B4GALT1: variants seen among roughly 807,000 people sequenced by gnomAD.
B4GALT1 encodes the protein beta-1,4-galactosyltransferase 1, also known as N-acetyllactosamine synthase.
In B4GALT1, 16 loss-of-function variants were observed where a neutral mutation model predicts 34.9. That is an observed-to-expected ratio of 0.46 (90% CI 0.31 to 0.70). The LOEUF (loss-of-function observed/expected upper bound fraction) is 0.70, where lower values mean the gene tolerates loss of function less well. Among genes scored for constraint, B4GALT1 ranks in the 30% least tolerant of loss-of-function variants. B4GALT1 has a pLI of 0.05. For synonymous variants in B4GALT1, 221 were observed against 218.1 expected (o/e 1.01, Z -0.12); for missense variants, 445 against 530.5 (o/e 0.84, Z 1.58).
At chr9:33,124,277 C>T (rs1393328612) in intron 2 of B4GALT1, among the ~76,000 whole-genome samples, 1 of 152,222 alleles carries the variant, frequency 6.6e-6, no homozygotes, top group Non-Finnish European at 1.5e-5. Context: ...TCACTGAGCA[C>T]ACTCATCGGT....
intron 1 of B4GALT1, among the ~76,000 whole-genome samples, chr9:33,162,248 A>T (rs1840685590): frequency 6.6e-6 from 1 of 152,216 alleles, no homozygotes; most frequent in Admixed American, 6.5e-5. Context: ...GAATTTTGAT[A>T]TGAACTTGGA....
At chr9:33,118,614 G>A (rs1261960989) in intron 3 of B4GALT1, among the ~76,000 whole-genome samples, 1 of 151,796 alleles carries the variant, frequency 6.6e-6, no homozygotes, top group African/African-American at 2.4e-5. Context: ...AGGCTATAGT[G>A]AGCCATGATC....
At chr9:33,164,427 GAA>G (rs1392464244) in intron 1 of B4GALT1, among the ~76,000 whole-genome samples, 1 of 152,138 alleles carries the variant, frequency 6.6e-6, no homozygotes, top group Non-Finnish European at 1.5e-5. Context: ...TTAAAATGAA[GAA>G]AAGACCTCTC....
At position 33,110,814 on chromosome 9, in the gene B4GALT1, G is replaced by A. The variant is rs997668943; in HGVS notation, c.*2640C>T. The A allele has an allele frequency of 6.6e-6, 1 of 152,218 alleles. No individual in the cohort carries two copies. Among genetic ancestry groups the A allele is most frequent in the African/African-American group, 2.4e-5 (1 of 41,428 alleles). The allele number at this position is 152,218 out of a possible 1,614,324, so 9.4% of individuals were successfully genotyped here. A position where few individuals can be genotyped will look rare whatever the true frequency, so the allele number is the denominator to read the frequency against. ...CACAACAGGTCTCTGGGACATGAAA[G>A]CCGTCATCCTGGCTATGCAGAGCCC... On this transcript the variant is annotated 3_prime_UTR_variant, in exon 6 of 6. Coordinates refer to ENST00000379731, the MANE Select transcript of B4GALT1 (RefSeq NM_001497.4).
upstream of B4GALT1, among the ~76,000 whole-genome samples, chr9:33,169,968 A>ATTT (rs74178857): frequency 0.052 from 6,307 of 120,428 alleles, 311 homozygotes; most frequent in Non-Finnish European, 0.066. Context: ...CAGCCCCTAG[A>ATTT]TTTTTTTTTT....
chr9:33,157,918 C>T (rs1265430128), intron 1 of B4GALT1, among the ~76,000 whole-genome samples: 2 of 152,174 alleles, frequency 1.3e-5, no homozygotes, highest in African/African-American at 4.8e-5. Flanking sequence ...CACTGAGGCA[C>T]AGAGAGGATA....
intron 1 of B4GALT1, among the ~76,000 whole-genome samples, chr9:33,136,214 AG>A (rs1840270330): frequency 6.6e-6 from 1 of 152,232 alleles, no homozygotes; most frequent in Admixed American, 6.5e-5. Flanking sequence ...CTGGCCTAGA[AG>A]AACATGGATG....
In B4GALT1 at chr9:33,135,324, G is replaced by A. The variant is rs146996656; in HGVS notation, c.513C>T (p.Asp171=). 6.2e-7 allele frequency: 1 copy of A among 1,614,224 alleles called. No homozygotes were observed. ...TGGCCACCTTGTGAGGAGAGACGCA[G>A]TCCCTGGGGGCATAGCGGCCGCCCA... The part of the protein sequence containing the change: ...VKMGGRYAPR[D]CVSPHKVAII... The change falls in exon 2 of 6, where the codon GAC becomes GAT. Residue 171 remains aspartate, a synonymous_variant. Transcript: ENST00000379731.
At chr9:33,127,781 C>G (rs978136340) in intron 2 of B4GALT1, among the ~76,000 whole-genome samples, 4 of 152,194 alleles carry the variant, frequency 2.6e-5, no homozygotes, top group Admixed American at 2.6e-4. Flanking sequence ...AAGGAAAAAG[C>G]AGGATACAAA....
At chr9:33,141,742 G>A (rs1266770466) in intron 1 of B4GALT1, among the ~76,000 whole-genome samples, 1 of 152,122 alleles carries the variant, frequency 6.6e-6, no homozygotes, top group Non-Finnish European at 1.5e-5. Context: ...TGTCCACTTG[G>A]CTGCCATGCA....
intron 1 of B4GALT1, among the ~76,000 whole-genome samples, chr9:33,166,522 C>G (rs1385771809): frequency 6.6e-6 from 1 of 152,226 alleles, no homozygotes; most frequent in Non-Finnish European, 1.5e-5. Flanking sequence ...AGAGGGGCCT[C>G]GGGACTTCCC....
chr9:33,136,189 A>G (rs962281317), intron 1 of B4GALT1, among the ~76,000 whole-genome samples: 2 of 152,160 alleles, frequency 1.3e-5, no homozygotes, highest in African/African-American at 4.8e-5. Flanking sequence ...AGAGGGAGGG[A>G]TGACTCCCAA....
At chr9:33,117,956 C>T (rs60988380) in intron 3 of B4GALT1, among the ~76,000 whole-genome samples, 14,930 of 152,280 alleles carry the variant, frequency 0.098, 919 homozygotes, top group East Asian at 0.32. Context: ...GCTGTCTCTG[C>T]TGCTTTCTCT....
At chr9:33,109,394 TATA>T (rs146765597), downstream of B4GALT1, among the ~76,000 whole-genome samples, 285 of 152,334 alleles carry the variant, frequency 1.9e-3, no homozygotes, top group African/African-American at 6.6e-3. Context: ...TAATATCACT[TATA>T]ATAAGACCAG....
At chr9:33,125,058 A>G (rs1210434165) in intron 2 of B4GALT1, among the ~76,000 whole-genome samples, 1 of 152,212 alleles carries the variant, frequency 6.6e-6, no homozygotes, top group African/African-American at 2.4e-5. Flanking sequence ...CTTCTAGGTC[A>G]ACTGGCTGCT....
At chr9:33,123,793 T>C (rs973044910) in intron 2 of B4GALT1, among the ~76,000 whole-genome samples, 3 of 152,194 alleles carry the variant, frequency 2.0e-5, no homozygotes, top group African/African-American at 7.2e-5. Flanking sequence ...CCAAGGCCCA[T>C]GAGCAATGGC....
At chr9:33,165,252 G>A (rs1315516004) in intron 1 of B4GALT1, among the ~76,000 whole-genome samples, 2 of 151,960 alleles carry the variant, frequency 1.3e-5, no homozygotes, top group Admixed American at 6.6e-5. Context: ...ACAGGCGTGA[G>A]CCACCATGCC....
chr9:33,114,167 G>A (rs1839906995), intron 4 of B4GALT1, among the ~76,000 whole-genome samples: 1 of 152,254 alleles, frequency 6.6e-6, no homozygotes, highest in Non-Finnish European at 1.5e-5. Flanking sequence ...CAAACATAGG[G>A]CCTTTAGGGC....
chr9:33,129,791 TAGCC>T (rs1840166504), intron 2 of B4GALT1, among the ~76,000 whole-genome samples: 1 of 151,936 alleles, frequency 6.6e-6, no homozygotes, highest in Non-Finnish European at 1.5e-5. Flanking sequence ...GCTTAAAAGA[TAGCC>T]AGAGACACAC....
Sources: gnomAD v4.1 joint callset for allele counts (sites outside exome capture counted in the v4.1 genomes callset) on GRCh38, gnomAD v4.1.1 for gene constraint, MANE v1.5 for transcripts, NCBI Gene and HGNC (gene_info 2026-07-23, HGNC 2026-07-21) for gene names.